TNKS: variants seen among roughly 807,000 people sequenced by gnomAD.
The protein encoded by TNKS is tankyrase.
In TNKS, 72 loss-of-function variants were observed where a neutral mutation model predicts 135.8. That is an observed-to-expected ratio of 0.53 (90% CI 0.44 to 0.64). TNKS has a LOEUF of 0.64. Among genes scored for constraint, TNKS ranks in the 30% least tolerant of loss-of-function variants. The pLI is 0.00. For missense variants in TNKS, 1,769 were observed against 1,674.0 expected, an observed-to-expected ratio of 1.06 and a Z score of -0.99; for synonymous variants, 849 against 649.3, an observed-to-expected ratio of 1.31 and a Z score of -4.68.
intron 11 of TNKS, among the ~76,000 whole-genome samples, chr8:9,719,605 C>G (rs1056773939): frequency 1.4e-4 from 22 of 152,178 alleles, no homozygotes; most frequent in African/African-American, 5.1e-4. Flanking sequence ...ATCTCAGGAG[C>G]CATAAAGGCA....
chr8:9,766,867 G>C (rs969192137), intron 25 of TNKS, among the ~76,000 whole-genome samples: 2 of 152,118 alleles, frequency 1.3e-5, no homozygotes, highest in African/African-American at 4.8e-5. Context: ...TCTGGGAATG[G>C]GTGGGAACAG....
intron 5 of TNKS, among the ~76,000 whole-genome samples, chr8:9,701,100 A>T (rs528710592): frequency 6.6e-6 from 1 of 151,692 alleles, no homozygotes; most frequent in African/African-American, 2.4e-5. Context: ...CACCTGGCTA[A>T]TTTTTTGTAT....
chr8:9,771,129 A>G (rs561846133), intron 26 of TNKS, among the ~76,000 whole-genome samples: 1 of 148,996 alleles, frequency 6.7e-6, no homozygotes, highest in African/African-American at 2.5e-5. Context: ...AAACCAAGGA[A>G]GGGAGGGAAG....
chr8:9,680,235 CT>C (rs1266061140), intron 4 of TNKS, among the ~76,000 whole-genome samples: 3 of 152,122 alleles, frequency 2.0e-5, no homozygotes, highest in Admixed American at 6.6e-5. Context: ...AGTTGCCCAG[CT>C]TTTCCAGCGA....
intron 12 of TNKS, among the ~76,000 whole-genome samples, chr8:9,721,680 A>G (rs1188497178): frequency 2.0e-5 from 3 of 152,158 alleles, no homozygotes; most frequent in South Asian, 2.1e-4. Flanking sequence ...CTTATGACAT[A>G]TCCTTATGAC....
At chr8:9,771,344 GAA>G (rs1807837083) in intron 26 of TNKS, among the ~76,000 whole-genome samples, 2 of 104,672 alleles carry the variant, frequency 1.9e-5, no homozygotes, top group African/African-American at 3.3e-5. Context: ...GAGAGGAAGG[GAA>G]GCAGGGAGGG....
At chr8:9,705,003 C>T (rs1803982790) in intron 6 of TNKS, among the ~76,000 whole-genome samples, 1 of 152,142 alleles carries the variant, frequency 6.6e-6, no homozygotes. Flanking sequence ...AATTGTGTCT[C>T]AGTTGCAGTT....
Position 9,781,412 on chromosome 8 carries a change from C to A in TNKS, c.*4676C>A, listed in dbSNP as rs1323950514. 1 of 152,154 alleles carries A rather than the reference C, an allele frequency of 6.6e-6. No homozygotes were observed. The highest frequency in any genetic ancestry group is 1.5e-5 in the Non-Finnish European group (1 of 68,050). 9.4% of individuals were successfully genotyped at this position (152,154 alleles called of 1,614,324 possible). A position where few individuals can be genotyped will look rare whatever the true frequency, so the allele number is the denominator to read the frequency against. ...GGGTGTCCCTCACACACCCGCGCAC[C>A]CCTCCCAAAGTTCAGGATGAAAGGC... is the stretch of plus-strand genomic sequence containing the variant. On this transcript the variant is annotated 3_prime_UTR_variant, in exon 27 of 27. Coordinates refer to ENST00000310430, the MANE Select transcript of TNKS (RefSeq NM_003747.3).
At chr8:9,634,852 A>G (rs1001626439) in intron 3 of TNKS, among the ~76,000 whole-genome samples, 4 of 152,214 alleles carry the variant, frequency 2.6e-5, no homozygotes, top group African/African-American at 9.6e-5. Context: ...AAGGTGTAAA[A>G]GGAGCCTGGA....
intron 20 of TNKS, among the ~76,000 whole-genome samples, chr8:9,754,457 G>A (rs898668039): frequency 6.6e-6 from 1 of 151,978 alleles, no homozygotes; most frequent in Non-Finnish European, 1.5e-5. Flanking sequence ...TAAAAACCAG[G>A]TCTTTTTTCT....
At chr8:9,730,267 T>C (rs1320920785) in intron 13 of TNKS, among the ~76,000 whole-genome samples, 1 of 152,108 alleles carries the variant, frequency 6.6e-6, no homozygotes, top group African/African-American at 2.4e-5. Flanking sequence ...TTGGAGGACA[T>C]CTCTGAAAGA....
At chr8:9,658,433 C>T (rs1194120852) in intron 3 of TNKS, 62 of 1,222,282 alleles carry the variant, frequency 5.1e-5, no homozygotes, top group East Asian at 4.1e-4. Context: ...CGGGCGGCGG[C>T]GGCTGCCAAG....
At chr8:9,724,389 AC>A (rs1805059306) in intron 12 of TNKS, among the ~76,000 whole-genome samples, 1 of 152,174 alleles carries the variant, frequency 6.6e-6, no homozygotes, top group African/African-American at 2.4e-5. Context: ...GGATTTCAAG[AC>A]CAGCCAGGGC....
intron 5 of TNKS, among the ~76,000 whole-genome samples, chr8:9,684,519 A>T (rs1802907421): frequency 6.6e-6 from 1 of 152,182 alleles, no homozygotes; most frequent in East Asian, 1.9e-4. Context: ...AAAATTATCC[A>T]TTCCTCATCT....
At chr8:9,608,082 A>G (rs775732715) in intron 2 of TNKS, among the ~76,000 whole-genome samples, 4 of 152,140 alleles carry the variant, frequency 2.6e-5, no homozygotes, top group Non-Finnish European at 5.9e-5. Context: ...CTGGGACCAC[A>G]GGTGCGTGCC....
chr8:9,746,024 T>C (rs1806216961), intron 17 of TNKS, among the ~76,000 whole-genome samples: 1 of 152,184 alleles, frequency 6.6e-6, no homozygotes, highest in South Asian at 2.1e-4. Context: ...TCTTTTCCCA[T>C]TCTCATAAAT....
At chr8:9,641,210 C>A (rs1800717367) in intron 3 of TNKS, among the ~76,000 whole-genome samples, 2 of 145,092 alleles carry the variant, frequency 1.4e-5, no homozygotes, top group Admixed American at 1.5e-4. Context: ...TCTTAAGGTG[C>A]AAATTTCATC....
In TNKS at chr8:9,720,603, T is replaced by C. The variant is rs1804827326; in HGVS notation, c.1921+58T>C. 5.9e-6 allele frequency: 9 copies of C among 1,523,754 alleles called. No individual in the cohort carries two copies. The South Asian group carries it at 1.1e-4, about 19-fold the overall frequency. The allele number at this position is 1,523,754 out of a possible 1,614,324, so 94.4% of individuals were successfully genotyped here. ...GTTTTCTCTTCCATCCCTGCTGAAATACACAGACAAACTTTGCAGTGTTTA... is the reference window on the plus strand; with the variant it reads ...GTTTTCTCTTCCATCCCTGCTGAAACACACAGACAAACTTTGCAGTGTTTA... On this transcript the variant is annotated intron_variant, in intron 12 of 26. Coordinates refer to ENST00000310430, the MANE Select transcript of TNKS (RefSeq NM_003747.3).
At chr8:9,624,087 C>G (rs1007946707) in intron 3 of TNKS, among the ~76,000 whole-genome samples, 10 of 152,148 alleles carry the variant, frequency 6.6e-5, no homozygotes, top group African/African-American at 2.2e-4. Context: ...TCTAGTACTT[C>G]AAGTCCTTCC....
Sources: gnomAD v4.1 joint callset for allele counts (sites outside exome capture counted in the v4.1 genomes callset) on GRCh38, gnomAD v4.1.1 for gene constraint, MANE v1.5 for transcripts, NCBI Gene and HGNC (gene_info 2026-07-23, HGNC 2026-07-21) for gene names.